Variants in DIP2C observed in about 807,000 individuals in gnomAD.
The protein encoded by DIP2C is disco-interacting protein 2 homolog C.
Under a neutral mutation model 192.4 loss-of-function variants are expected in DIP2C, and 33 were observed. The observed-to-expected ratio is 0.17, with a 90% CI of 0.13 to 0.23. The LOEUF is 0.23. Among genes scored for constraint, DIP2C ranks in the 10% least tolerant of loss-of-function variants. The probability of loss-of-function intolerance (pLI) is 1.00; values close to 1 mark genes in which losing one functional copy is unlikely to be tolerated. For missense variants in DIP2C, 1,537 were observed against 2,110.1 expected (o/e 0.73, Z 5.32); for synonymous variants, 979 against 864.1 (o/e 1.13, Z -2.33).
chr10:352,573 G>A (rs374256032), intron 24 of DIP2C, among the ~76,000 whole-genome samples: 6 of 152,312 alleles, frequency 3.9e-5, no homozygotes, highest in South Asian at 2.1e-4. Context: ...TTTCACAGCC[G>A]GTCGGACATG....
At chr10:344,707 G>A (rs1302811234) in intron 28 of DIP2C, 102 bp downstream of exon 28, 1 of 937,064 alleles carries the variant, frequency 1.1e-6, no homozygotes, top group Admixed American at 2.1e-5. Flanking sequence ...CCACATCTCA[G>A]TCTGACTACA....
intron 24 of DIP2C, among the ~76,000 whole-genome samples, chr10:355,364 A>G (rs1350705504): frequency 6.6e-6 from 1 of 152,236 alleles, no homozygotes; most frequent in Non-Finnish European, 1.5e-5. Context: ...TGGTCTGATA[A>G]CTGAAACTCA....
At chr10:455,303 C>A (rs1391087820) in intron 3 of DIP2C, among the ~76,000 whole-genome samples, 1 of 144,768 alleles carries the variant, frequency 6.9e-6, no homozygotes, top group African/African-American at 2.5e-5. Context: ...AAACACTCTG[C>A]AGTGAGTCCC....
chr10:305,011 A>C (rs1410195213), intron 32 of DIP2C, among the ~76,000 whole-genome samples: 1 of 94,004 alleles, frequency 1.1e-5, no homozygotes, highest in East Asian at 2.9e-4. Flanking sequence ...ACATACTTGC[A>C]ACACACTCAT....
intron 1 of DIP2C, among the ~76,000 whole-genome samples, chr10:532,801 G>A (rs374201339): frequency 1.3e-5 from 2 of 151,878 alleles, no homozygotes; most frequent in Non-Finnish European, 2.9e-5. Flanking sequence ...GTGTGGTGGC[G>A]GGGGTCCTTG....
At chr10:319,249 A>AG (rs1046294116) in intron 31 of DIP2C, among the ~76,000 whole-genome samples, 1 of 152,062 alleles carries the variant, frequency 6.6e-6, no homozygotes, top group Non-Finnish European at 1.5e-5. Context: ...TTCTATTACT[A>AG]GGGGGGCTGT....
Position 516,962 on chromosome 10 carries a change from G to A in DIP2C, c.86-30432C>T, listed in dbSNP as rs975256505. Among the ~76,000 whole-genome samples the A allele has an allele frequency of 6.6e-5, 10 of 151,374 alleles. No homozygotes were observed. The East Asian group carries it at 1.2e-3, about 18-fold the overall frequency. ...CCATCATCAGCCAGGAGAGGCATCC[G>A]CGGCACTTCCCAGCAATGGCCACAG... On this transcript the variant is annotated intron_variant, in intron 1 of 36. Coordinates refer to ENST00000280886, the MANE Select transcript of DIP2C (RefSeq NM_014974.3).
chr10:368,766 C>T (rs754091599), intron 18 of DIP2C, among the ~76,000 whole-genome samples: 1 of 152,218 alleles, frequency 6.6e-6, no homozygotes, highest in Non-Finnish European at 1.5e-5. Context: ...CTTGAGCCCA[C>T]ACCCCATGCC....
At chr10:507,375 G>A (rs774912887) in intron 1 of DIP2C, among the ~76,000 whole-genome samples, 8 of 151,696 alleles carry the variant, frequency 5.3e-5, no homozygotes, top group African/African-American at 1.2e-4. Context: ...AGAGCTGTGC[G>A]AGGTTACAGA....
At chr10:682,324 G>A (rs1195690284) in intron 1 of DIP2C, among the ~76,000 whole-genome samples, 1 of 152,214 alleles carries the variant, frequency 6.6e-6, no homozygotes, top group African/African-American at 2.4e-5. Context: ...TGTCCATTGT[G>A]ATTTAACATA....
At chr10:345,331 C>G (rs1380612626) in intron 26 of DIP2C, among the ~76,000 whole-genome samples, 1 of 143,372 alleles carries the variant, frequency 7.0e-6, no homozygotes, top group Admixed American at 7.2e-5. Flanking sequence ...TGCATCTGCA[C>G]TTCCTGGGCC....
intron 1 of DIP2C, among the ~76,000 whole-genome samples, chr10:679,563 C>T (rs1249776399): frequency 1.7e-5 from 2 of 118,984 alleles, no homozygotes; most frequent in African/African-American, 6.2e-5. Flanking sequence ...CCTCCCCGCA[C>T]CCATCCTCCC....
At chr10:441,217 C>T (rs1967699295) in intron 3 of DIP2C, 1 of 531,082 alleles carries the variant, frequency 1.9e-6, no homozygotes, top group African/African-American at 1.9e-5. Context: ...AATCCATATC[C>T]ATAAGCAAAC....
chr10:383,414 G>A (rs972336110), intron 16 of DIP2C, among the ~76,000 whole-genome samples: 1 of 152,162 alleles, frequency 6.6e-6, no homozygotes, highest in African/African-American at 2.4e-5. Flanking sequence ...GAAGCTTTAT[G>A]TACTTTTTTC....
At chr10:544,829 C>T (rs373983032) in intron 1 of DIP2C, among the ~76,000 whole-genome samples, 1 of 152,166 alleles carries the variant, frequency 6.6e-6, no homozygotes, top group Admixed American at 6.5e-5. Flanking sequence ...ATATCAGGCC[C>T]TTATTGGGAT....
chr10:430,792 G>A (rs1465450910), intron 4 of DIP2C, among the ~76,000 whole-genome samples: 5 of 152,144 alleles, frequency 3.3e-5, no homozygotes, highest in African/African-American at 9.7e-5. Context: ...GAATTCTATA[G>A]TTTTGTATTT....
intron 32 of DIP2C, among the ~76,000 whole-genome samples, chr10:295,289 C>T (rs536154529): frequency 7.3e-4 from 111 of 152,126 alleles, no homozygotes; most frequent in South Asian, 4.8e-3. Context: ...TGGCCGGGCG[C>T]GGTGGCTTAC....
In DIP2C at chr10:689,498, C is replaced by T. The variant is rs1260811360; in HGVS notation, c.81G>A (p.Ser27=). The part of the protein sequence containing the change: ...ARLAELELEL[S]EGDITQKGYE... The stretch of plus-strand genomic sequence containing the variant: ...CCGGGGCGGGGGCCCGGTTACCTTC[C>T]GACAGCTCCAGCTCCAGCTCGGCCA... The change falls in exon 1 of 37, where the codon TCG becomes TCA. Residue 27 remains serine, a synonymous_variant. Coordinates refer to ENST00000280886, the MANE Select transcript of DIP2C (RefSeq NM_014974.3). The surrounding 1 kb of genome is among the most constrained non-coding windows in gnomAD (Gnocchi z 6.1). 2 of 1,265,384 alleles carry T rather than the reference C, an allele frequency of 1.6e-6. No individual in the cohort carries two copies. Among genetic ancestry groups the T allele is most frequent in the African/African-American group, 1.6e-5 (1 of 62,952 alleles). The allele number at this position is 1,265,384 out of a possible 1,614,324, so 78.4% of individuals were successfully genotyped here. A position where few individuals can be genotyped will look rare whatever the true frequency, so the allele number is the denominator to read the frequency against.
rs1256171538 is a variant in DIP2C, at chr10:689,488, G to T, written c.85+6C>A. ...GCGGCCCGGCCCGGGGCGGGGGCCC[G>T]GTTACCTTCCGACAGCTCCAGCTCC... On this transcript the variant is annotated splice_donor_region_variant and intron_variant, in intron 1 of 36. Transcript: ENST00000280886. This position sits in a 1 kb window ranked among gnomAD's most constrained non-coding sequence, Gnocchi z 6.1. 4.9e-6 allele frequency: 6 copies of T among 1,229,366 alleles called. No homozygotes were observed. Among genetic ancestry groups the T allele is most frequent in the East Asian group, 5.3e-5 (1 of 18,992 alleles). 76.2% of individuals were successfully genotyped at this position (1,229,366 alleles called of 1,614,324 possible).
Sources: gnomAD v4.1 joint callset for allele counts (sites outside exome capture counted in the v4.1 genomes callset) on GRCh38, gnomAD v4.1.1 for gene constraint, Gnocchi (gnomAD v3.1) non-coding constraint, MANE v1.5 for transcripts, NCBI Gene and HGNC (gene_info 2026-07-23, HGNC 2026-07-21) for gene names.